IL2RB: variants seen among roughly 807,000 people sequenced by gnomAD.
The protein encoded by IL2RB is interleukin-2 receptor subunit beta.
A neutral mutation model predicts 44.2 loss-of-function variants in IL2RB; 17 were observed. That is an observed-to-expected ratio of 0.38 (90% CI 0.26 to 0.58). The LOEUF is 0.58. Among genes scored for constraint, IL2RB ranks in the 20% least tolerant of loss-of-function variants. IL2RB has a pLI of 0.63. For synonymous variants in IL2RB, 286 were observed against 297.9 expected (o/e 0.96, Z 0.41); for missense variants, 624 against 685.5 (o/e 0.91, Z 1.00).
intron 1 of IL2RB, among the ~76,000 whole-genome samples, chr22:37,162,640 T>A (rs903343031): frequency 3.9e-5 from 6 of 152,166 alleles, no homozygotes; most frequent in African/African-American, 1.4e-4. Flanking sequence ...GTGAAGCCTC[T>A]ACCACACGGA....
intron 8 of IL2RB, among the ~76,000 whole-genome samples, chr22:37,134,433 C>T (rs1184528515): frequency 2.6e-5 from 4 of 151,990 alleles, no homozygotes; most frequent in African/African-American, 9.7e-5. Flanking sequence ...GGTGAAACCC[C>T]GTCTGTACTA....
At chr22:37,167,352 C>T (rs149137582) in intron 1 of IL2RB, among the ~76,000 whole-genome samples, 229 of 152,302 alleles carry the variant, frequency 1.5e-3, no homozygotes, top group African/African-American at 5.4e-3. Flanking sequence ...CCCACCATCT[C>T]TCTGCCTCCT....
chr22:37,135,505 G>T, intron 7 of IL2RB, 63 bp from the exon 8 acceptor site: 1 of 1,074,970 alleles, frequency 9.3e-7, no homozygotes, highest in Non-Finnish European at 1.4e-6. Context: ...CTCACCCTGG[G>T]TCGGTCACCC....
upstream of IL2RB, among the ~76,000 whole-genome samples, chr22:37,153,338 C>T (rs1464640542): frequency 6.6e-6 from 1 of 152,196 alleles, no homozygotes; most frequent in Non-Finnish European, 1.5e-5. Context: ...AGGCCCAACT[C>T]CCATGTGCAA....
chr22:37,161,553 G>A (rs548440599), intron 1 of IL2RB, among the ~76,000 whole-genome samples: 3 of 151,696 alleles, frequency 2.0e-5, no homozygotes, highest in East Asian at 3.9e-4. Context: ...ATGTGACCAG[G>A]TTCCTTCAAT....
At chr22:37,131,369 C>T (rs910547514) in intron 9 of IL2RB, among the ~76,000 whole-genome samples, 2 of 151,756 alleles carry the variant, frequency 1.3e-5, no homozygotes, top group South Asian at 2.1e-4. Flanking sequence ...CTCATCCCCA[C>T]CCCCCAATCT....
At chr22:37,162,391 CCCTGAGCTCACAG>C (rs1922912645) in intron 1 of IL2RB, among the ~76,000 whole-genome samples, 1 of 152,114 alleles carries the variant, frequency 6.6e-6, no homozygotes, top group South Asian at 2.1e-4. Context: ...GGAGAGCTGA[CCCTGAGCTCACAG>C]CCCACCGACT....
At chr22:37,142,953 T>C (rs1922040713) in intron 3 of IL2RB, among the ~76,000 whole-genome samples, 1 of 148,570 alleles carries the variant, frequency 6.7e-6, no homozygotes, top group Non-Finnish European at 1.5e-5. Context: ...CCCTATGGAA[T>C]CCACCTGGGC....
upstream of IL2RB, chr22:37,150,012 G>A (rs1265074009): frequency 1.1e-5 from 7 of 652,928 alleles, no homozygotes; most frequent in South Asian, 6.8e-5. Flanking sequence ...GCGGGGAGAC[G>A]AGGCTTATGA....
chr22:37,166,309 A>G (rs1176808190), intron 1 of IL2RB, among the ~76,000 whole-genome samples: 3 of 152,066 alleles, frequency 2.0e-5, no homozygotes, highest in Admixed American at 6.5e-5. Flanking sequence ...AAACTGGCAC[A>G]TCCACACACA....
At position 37,130,586 on chromosome 22, in the gene IL2RB, G is replaced by T. The variant is rs554283317; in HGVS notation, c.904-1738C>A. Among the ~76,000 whole-genome samples, 36 of 152,242 alleles carry T rather than the reference G, an allele frequency of 2.4e-4. No individual in the cohort carries two copies. The South Asian group carries it at 6.0e-3, about 25-fold the overall frequency. On this transcript the variant is annotated intron_variant, in intron 9 of 9. Transcript: ENST00000216223. ...ATCATGCCTTCTTCCTCAGGACCCC[G>T]CTCCACACACTAGACCCAAGGATAC...
upstream of IL2RB, among the ~76,000 whole-genome samples, chr22:37,153,948 G>A (rs1324121136): frequency 2.0e-5 from 3 of 152,192 alleles, no homozygotes; most frequent in East Asian, 5.8e-4. Flanking sequence ...GGCACATACT[G>A]CCCAAGACTC....
chr22:37,156,096 C>T lies in IL2RB; in HGVS notation c.-33-11891G>A, dbSNP rs73408807. On this transcript the variant is annotated intron_variant, in intron 1 of 5. Transcript: ENST00000429622. ...TGCTCACTGGAGTGCTTGGCCCTTG[C>T]GCTCAGCCTCCCTCTCCACTCCGCC... 2.0e-5 allele frequency among the ~76,000 whole-genome samples: 3 copies of T among 152,198 alleles called. No individual in the cohort carries two copies. In the South Asian group the frequency reaches 6.2e-4, roughly 32 times the overall value.
At chr22:37,140,719 C>G (rs1921923038) in intron 4 of IL2RB, among the ~76,000 whole-genome samples, 2 of 152,192 alleles carry the variant, frequency 1.3e-5, no homozygotes, top group African/African-American at 4.8e-5. Flanking sequence ...GAGCCCGCTG[C>G]CGCCCAGGAG....
intron 3 of IL2RB, chr22:37,142,813 A>G (rs955808884): frequency 1.3e-5 from 7 of 528,166 alleles, no homozygotes; most frequent in Non-Finnish European, 2.5e-5. Flanking sequence ...CCAAAGCTCC[A>G]TGAGGCTTAG....
Position 37,139,176 on chromosome 22 carries a change from C to G in IL2RB, c.329G>C (p.Cys110Ser), listed in dbSNP as rs1245560280. ...TVDIVTLRVL[C>S]REGVRWRVMA... Reference sequence around the variant, plus strand: ...CACCCTCCATCGCACCCCCTCACGGCACAGCACCCTCAGGGTGACGATGTC... The same window carrying G: ...CACCCTCCATCGCACCCCCTCACGGGACAGCACCCTCAGGGTGACGATGTC... The change falls in exon 5 of 10, where the codon TGC becomes TCC. Residue 110 changes from cysteine to serine, a missense_variant. By Grantham distance (112) the Cys-to-Ser change is moderately radical. This residue lies in a region of IL2RB where 255 missense variants were observed against 339.9 expected (regional missense o/e 0.75). Transcript: ENST00000216223. 1 of 1,613,904 alleles carries G rather than the reference C, an allele frequency of 6.2e-7. No homozygotes were observed. The highest frequency in any genetic ancestry group is 8.5e-7 in the Non-Finnish European group (1 of 1,179,954).
intron 9 of IL2RB, among the ~76,000 whole-genome samples, chr22:37,131,650 A>G (rs1023199507): frequency 6.6e-6 from 1 of 152,140 alleles, no homozygotes; most frequent in Non-Finnish European, 1.5e-5. Flanking sequence ...AGCACAGAGC[A>G]TGTCTGCACA....
At chr22:37,147,994 G>A (rs575498763) in intron 1 of IL2RB, among the ~76,000 whole-genome samples, 5 of 152,216 alleles carry the variant, frequency 3.3e-5, no homozygotes, top group African/African-American at 7.2e-5. Context: ...ACCCCAGGTC[G>A]GGCCCAGCCT....
intron 1 of IL2RB, among the ~76,000 whole-genome samples, chr22:37,144,782 A>AC (rs1480096292): frequency 1.3e-5 from 2 of 151,194 alleles, no homozygotes; most frequent in East Asian, 3.9e-4. Flanking sequence ...GTTACTCACC[A>AC]CCCCCCTACA....
Sources: gnomAD v4.1 joint callset for allele counts (sites outside exome capture counted in the v4.1 genomes callset) on GRCh38, gnomAD v4.1.1 for gene constraint, gnomAD v4.1.1 regional missense constraint, MANE v1.5 for transcripts, NCBI Gene and HGNC (gene_info 2026-07-23, HGNC 2026-07-21) for gene names.